The following SNX24 variants were observed in gnomAD, a reference collection of about 807,000 sequenced individuals.
SNX24 encodes sorting nexin 24.
Under a neutral mutation model 28.7 loss-of-function variants are expected in SNX24, and 22 were observed. That is an observed-to-expected ratio of 0.77 (90% CI 0.55 to 1.10). The LOEUF (loss-of-function observed/expected upper bound fraction) is 1.10, where lower values mean the gene tolerates loss of function less well. SNX24 is among the 50% of genes least tolerant of loss of function. The pLI, the probability that SNX24 is intolerant of heterozygous loss-of-function variation, is 0.00. For missense variants in SNX24, 221 were observed against 201.1 expected, an observed-to-expected ratio of 1.10 and a Z score of -0.60; for synonymous variants, 69 against 71.5, an observed-to-expected ratio of 0.96 and a Z score of 0.18.
At chr5:122,941,877 A>T (rs1022022924) in intron 2 of SNX24, among the ~76,000 whole-genome samples, 3 of 152,116 alleles carry the variant, frequency 2.0e-5, no homozygotes, top group African/African-American at 7.2e-5. Flanking sequence ...ACTAGGTGGG[A>T]AGAACACCAT....
chr5:122,992,674 A>G (rs1761904044), intron 3 of SNX24, among the ~76,000 whole-genome samples: 1 of 152,242 alleles, frequency 6.6e-6, no homozygotes. Context: ...CCTTTAAGGT[A>G]CTAATTCAGT....
chr5:122,925,892 C>T (rs2150107511), intron 1 of SNX24, among the ~76,000 whole-genome samples: 1 of 152,236 alleles, frequency 6.6e-6, no homozygotes, highest in Non-Finnish European at 1.5e-5. Context: ...TAACAGTGAA[C>T]AAAACCGATG....
chr5:123,016,483 AG>A (rs1439302375), intron 5 of SNX24, among the ~76,000 whole-genome samples: 1 of 152,214 alleles, frequency 6.6e-6, no homozygotes, highest in African/African-American at 2.4e-5. Context: ...TATGCAATTT[AG>A]GGTAATGTAT....
intron 5 of SNX24, among the ~76,000 whole-genome samples, chr5:123,024,929 TATTG>T (rs1282769393): frequency 5.3e-5 from 8 of 152,096 alleles, no homozygotes; most frequent in Non-Finnish European, 1.0e-4. Flanking sequence ...AAGGCAGAAA[TATTG>T]AGAAAGAAAG....
At chr5:122,976,545 C>T (rs1020725642) in intron 3 of SNX24, among the ~76,000 whole-genome samples, 3 of 152,146 alleles carry the variant, frequency 2.0e-5, no homozygotes, top group Non-Finnish European at 4.4e-5. Context: ...ATTTATTTTT[C>T]ATTGGCACAC....
rs566906901 is a variant in SNX24 at position 122,972,994 on chromosome 5, C to G, written c.249+26835C>G. Among the ~76,000 whole-genome samples, 9 of 152,278 alleles carry G rather than the reference C, an allele frequency of 5.9e-5. No individual in the cohort carries two copies. In the East Asian group the frequency reaches 1.7e-3, roughly 29 times the overall value. The stretch of plus-strand genomic sequence containing the variant: ...CACCATGGCCACTTTGTTCATGGGC[C>G]CATTGGGCAATGACAGGAATAGCTG... On this transcript the variant is annotated intron_variant, in intron 3 of 6. Transcript: ENST00000261369.
chr5:122,905,819 G>C (rs776236473), intron 1 of SNX24, among the ~76,000 whole-genome samples: 2 of 152,138 alleles, frequency 1.3e-5, no homozygotes, highest in African/African-American at 4.8e-5. Context: ...AAATTTAAAT[G>C]ATTTTTACCT....
At chr5:122,991,642 G>T (rs1010466586) in intron 3 of SNX24, among the ~76,000 whole-genome samples, 1 of 152,036 alleles carries the variant, frequency 6.6e-6, no homozygotes, top group African/African-American at 2.4e-5. Flanking sequence ...TGTATTTTTA[G>T]TAGAGATGGG....
chr5:122,928,097 A>C (rs1758780185), intron 1 of SNX24, among the ~76,000 whole-genome samples: 1 of 152,052 alleles, frequency 6.6e-6, no homozygotes, highest in African/African-American at 2.4e-5. Context: ...TGTTGGTTCT[A>C]CTTTCACTCA....
intron 5 of SNX24, among the ~76,000 whole-genome samples, chr5:123,027,947 ACT>A (rs1762885136): frequency 6.6e-6 from 1 of 152,096 alleles, no homozygotes; most frequent in Admixed American, 6.5e-5. Flanking sequence ...GAGATTTGAA[ACT>A]CTCTAAATTT....
chr5:122,869,410 T>G (rs1755877606), intron 1 of SNX24, among the ~76,000 whole-genome samples: 1 of 152,242 alleles, frequency 6.6e-6, no homozygotes, highest in Non-Finnish European at 1.5e-5. Flanking sequence ...CCAGGAAACC[T>G]GCTGAATAAA....
At chr5:123,026,167 G>C (rs1762850002) in intron 5 of SNX24, among the ~76,000 whole-genome samples, 1 of 152,136 alleles carries the variant, frequency 6.6e-6, no homozygotes, top group African/African-American at 2.4e-5. Flanking sequence ...GGCCTAAAAT[G>C]AACAAAGAAA....
chr5:122,967,862 T>C (rs1460308441), intron 3 of SNX24, among the ~76,000 whole-genome samples: 1 of 152,222 alleles, frequency 6.6e-6, no homozygotes, highest in African/African-American at 2.4e-5. Flanking sequence ...TGAATGGCAG[T>C]AGCACCTGCG....
rs1762500762 is a variant in SNX24 at position 123,008,861 on chromosome 5, A to G, written c.*1112A>G. ...TGAGTAGTAAAGGATAAAAGCATAT[A>G]TACTACCTATATGTATGTGCTGTAT... is the stretch of plus-strand genomic sequence containing the variant. On this transcript the variant is annotated 3_prime_UTR_variant, in exon 7 of 7. Coordinates refer to ENST00000261369, the MANE Select transcript of SNX24 (RefSeq NM_014035.4). 2 of 981,946 alleles carry G rather than the reference A, an allele frequency of 2.0e-6. No homozygotes were observed. Among genetic ancestry groups the G allele is most frequent in the Admixed American group, 1.2e-4 (2 of 16,286 alleles). 60.8% of individuals were successfully genotyped at this position (981,946 alleles called of 1,614,324 possible).
At chr5:122,964,082 A>G (rs1374950177) in intron 3 of SNX24, among the ~76,000 whole-genome samples, 1 of 151,780 alleles carries the variant, frequency 6.6e-6, no homozygotes, top group African/African-American at 2.4e-5. Flanking sequence ...CTCTACTTTA[A>G]AAATACAAAA....
intron 5 of SNX24, among the ~76,000 whole-genome samples, chr5:123,017,625 C>T (rs1468871855): frequency 6.6e-6 from 1 of 152,084 alleles, no homozygotes; most frequent in Non-Finnish European, 1.5e-5. Flanking sequence ...GTGGCTCCCA[C>T]AGTTCCCTCG....
chr5:122,964,836 T>G (rs999681204), intron 3 of SNX24, among the ~76,000 whole-genome samples: 3 of 152,206 alleles, frequency 2.0e-5, no homozygotes, highest in African/African-American at 7.2e-5. Context: ...ATAGATTTTT[T>G]TGGTAATAGG....
intron 6 of SNX24, 190 bp downstream of exon 6, chr5:123,002,194 A>G: frequency 3.3e-6 from 2 of 597,472 alleles, no homozygotes; most frequent in South Asian, 4.2e-5. Flanking sequence ...AGGAAATGTA[A>G]TTTTTCTTTC....
intron 1 of SNX24, among the ~76,000 whole-genome samples, chr5:122,913,157 C>T (rs1757968971): frequency 6.6e-6 from 1 of 152,250 alleles, no homozygotes; most frequent in Non-Finnish European, 1.5e-5. Context: ...CAATCTTTTC[C>T]CCACCTTTCC....
Sources: allele counts gnomAD v4.1 joint callset (sites outside exome capture counted in the v4.1 genomes callset), GRCh38; gene constraint gnomAD v4.1.1; transcripts MANE v1.5; gene names NCBI Gene and HGNC (gene_info 2026-07-23, HGNC 2026-07-21).